ZFHX4: variants seen among roughly 807,000 people sequenced by gnomAD.
ZFHX4 encodes the protein zinc finger homeobox protein 4.
A neutral mutation model predicts 267.6 loss-of-function variants in ZFHX4; 56 were observed. The observed-to-expected ratio is 0.21, with a 90% CI of 0.17 to 0.26. The LOEUF is 0.26. Among genes scored for constraint, ZFHX4 ranks in the 10% least tolerant of loss-of-function variants. ZFHX4 has a pLI of 1.00. For missense variants in ZFHX4, 4,332 were observed against 4,420.0 expected, an observed-to-expected ratio of 0.98 and a Z score of 0.56; for synonymous variants, 1,778 against 1,665.6, an observed-to-expected ratio of 1.07 and a Z score of -1.64.
chr8:76,830,231 T>C (rs1243895198), intron 4 of ZFHX4, among the ~76,000 whole-genome samples: 1 of 152,206 alleles, frequency 6.6e-6, no homozygotes, highest in Non-Finnish European at 1.5e-5. Context: ...ACTCCCACAT[T>C]GTGTTAATAA....
chr8:76,801,158 T>C (rs1811108052), intron 4 of ZFHX4, among the ~76,000 whole-genome samples: 1 of 152,118 alleles, frequency 6.6e-6, no homozygotes. Context: ...TTCTAACTTT[T>C]CTTTAATTAA....
rs972290025 is a variant in ZFHX4, at chr8:76,849,109, A to G, written c.3626A>G (p.Asn1209Ser). 8 of 1,560,386 alleles carry G rather than the reference A, an allele frequency of 5.1e-6. No homozygotes were observed. The highest frequency in any genetic ancestry group is 2.4e-5 in the East Asian group (1 of 41,664). Residue 1209 changes from asparagine (N) to serine (S), a missense_variant, in exon 7 of 11, where the codon AAT becomes AGT. Transcript: ENST00000651372. ...AAAAGGTCAAAACCTACAGAGGACAATAAATTCTGTCATGAACAGGTAAAT... is the reference window on the plus strand; with the variant it reads ...AAAAGGTCAAAACCTACAGAGGACAGTAAATTCTGTCATGAACAGGTAAAT... ...ATKRSKPTED[N>S]KFCHEQFYQC...
intron 5 of ZFHX4, among the ~76,000 whole-genome samples, chr8:76,837,585 G>A (rs938866498): frequency 1.3e-5 from 2 of 151,498 alleles, no homozygotes; most frequent in Non-Finnish European, 2.9e-5. Context: ...GGGGTAGCAT[G>A]TGGACTCTTC....
intron 4 of ZFHX4, among the ~76,000 whole-genome samples, chr8:76,825,990 A>C (rs1811775474): frequency 6.6e-6 from 1 of 152,090 alleles, no homozygotes; most frequent in Non-Finnish European, 1.5e-5. Context: ...TTTTTGCATC[A>C]CTCTGAAGAA....
rs1290135493 is a variant in ZFHX4, at chr8:76,854,219, C to T, written c.7298C>T (p.Ser2433Leu). 5 of 1,565,802 alleles carry T rather than the reference C, an allele frequency of 3.2e-6. No individual in the cohort carries two copies. The highest frequency in any genetic ancestry group is 1.2e-5 in the South Asian group (1 of 86,190). The change falls in exon 10 of 11, where the codon TCG becomes TTG. Residue 2433 changes from serine (S) to leucine (L), a missense_variant. Ser to Leu is a moderately radical substitution (Grantham distance 145, BLOSUM62 -2). Around this residue, in one of 7 missense-constraint regions of ZFHX4, gnomAD observed 1,648 missense variants for 1,625.0 expected, o/e 1.01. Transcript: ENST00000651372. ...QGTKPALPLA[S>L]TSSDPPQAST... ...ACCAAACCAGCCCTGCCATTAGCAT[C>T]GACTTCCTCGGACCCACCACAGGCA...
At chr8:76,789,836 T>C (rs1810786983) in intron 4 of ZFHX4, among the ~76,000 whole-genome samples, 1 of 152,152 alleles carries the variant, frequency 6.6e-6, no homozygotes, top group Non-Finnish European at 1.5e-5. Flanking sequence ...TAAATGTGCA[T>C]ATGCATTTAG....
intron 4 of ZFHX4, among the ~76,000 whole-genome samples, chr8:76,826,775 G>A (rs1301841304): frequency 4.6e-5 from 7 of 152,198 alleles, no homozygotes; most frequent in Non-Finnish European, 1.0e-4. Flanking sequence ...CTAGAGATCT[G>A]CTGCACAACA....
rs1807527606 is a variant in ZFHX4 at position 76,681,499 on chromosome 8, T to C, written c.-168T>C. The C allele has an allele frequency of 5.0e-6, 2 of 398,512 alleles. No individual in the cohort carries two copies. The highest frequency in any genetic ancestry group is 4.4e-6 in the Non-Finnish European group (1 of 226,012). 24.7% of individuals were successfully genotyped at this position (398,512 alleles called of 1,614,324 possible). On this transcript the variant is annotated 5_prime_UTR_variant, in exon 1 of 11. Coordinates refer to ENST00000651372, the MANE Select transcript of ZFHX4 (RefSeq NM_024721.5). Reference sequence around the variant, plus strand: ...CCCAATAAAGTTCGAGGATTATTTTTTATTTTTTTTGTTTTTTTAATGAAC... The same window carrying C: ...CCCAATAAAGTTCGAGGATTATTTTCTATTTTTTTTGTTTTTTTAATGAAC...
intron 3 of ZFHX4, among the ~76,000 whole-genome samples, chr8:76,751,828 C>T (rs895064066): frequency 6.6e-6 from 1 of 152,102 alleles, no homozygotes; most frequent in Non-Finnish European, 1.5e-5. Context: ...CGATGATGAG[C>T]ATCATAAGTA....
At chr8:76,846,992 G>A (rs1812381074) in intron 6 of ZFHX4, among the ~76,000 whole-genome samples, 1 of 152,100 alleles carries the variant, frequency 6.6e-6, no homozygotes, top group Non-Finnish European at 1.5e-5. Flanking sequence ...ATATGACAGA[G>A]TATTATTCTC....
At chr8:76,838,909 G>T (rs1391524389) in intron 5 of ZFHX4, among the ~76,000 whole-genome samples, 1 of 152,060 alleles carries the variant, frequency 6.6e-6, no homozygotes, top group African/African-American at 2.4e-5. Flanking sequence ...ATAAAAATTA[G>T]CTGGATATGG....
At chr8:76,798,921 A>G (rs1268900768) in intron 4 of ZFHX4, among the ~76,000 whole-genome samples, 1 of 151,698 alleles carries the variant, frequency 6.6e-6, no homozygotes, top group African/African-American at 2.4e-5. Context: ...TGCATCATCC[A>G]CTCCTTTCTA....
chr8:76,726,733 G>A (rs1472918154), intron 3 of ZFHX4, among the ~76,000 whole-genome samples: 2 of 152,090 alleles, frequency 1.3e-5, no homozygotes, highest in Non-Finnish European at 1.5e-5. Flanking sequence ...CATCCCGTTT[G>A]TAAAATATCT....
chr8:76,777,352 A>T (rs968321853), intron 3 of ZFHX4, among the ~76,000 whole-genome samples: 2 of 152,172 alleles, frequency 1.3e-5, no homozygotes, highest in Non-Finnish European at 2.9e-5. Context: ...GAGTCAGCAG[A>T]GCTTGCGAAA....
chr8:76,767,670 G>T (rs1810086731), intron 3 of ZFHX4, among the ~76,000 whole-genome samples: 1 of 152,156 alleles, frequency 6.6e-6, no homozygotes, highest in African/African-American at 2.4e-5. Context: ...AGCCTTCAAA[G>T]AATTAAGTAA....
intron 3 of ZFHX4, among the ~76,000 whole-genome samples, chr8:76,758,223 G>A (rs1370678766): frequency 6.6e-6 from 1 of 152,050 alleles, no homozygotes; most frequent in African/African-American, 2.4e-5. Context: ...GAGCATAGAG[G>A]ACAGAGAATG....
intron 3 of ZFHX4, among the ~76,000 whole-genome samples, chr8:76,726,438 C>T (rs1808855668): frequency 6.6e-6 from 1 of 152,012 alleles, no homozygotes; most frequent in South Asian, 2.1e-4. Flanking sequence ...CATCAAGAGG[C>T]CCATAACTTG....
At chr8:76,795,945 T>G (rs1810970479) in intron 4 of ZFHX4, among the ~76,000 whole-genome samples, 1 of 152,168 alleles carries the variant, frequency 6.6e-6, no homozygotes, top group Non-Finnish European at 1.5e-5. Context: ...AAACCAAGTT[T>G]CATTACAAAT....
At chr8:76,856,926 G>T (rs1342913499) in intron 10 of ZFHX4, among the ~76,000 whole-genome samples, 1 of 152,162 alleles carries the variant, frequency 6.6e-6, no homozygotes, top group East Asian at 1.9e-4. Context: ...TTTGTAACAT[G>T]CATTGCTACT....
Sources: allele counts gnomAD v4.1 joint callset (sites outside exome capture counted in the v4.1 genomes callset), GRCh38; gene constraint gnomAD v4.1.1; regional missense constraint gnomAD v4.1.1; transcripts MANE v1.5; gene names NCBI Gene and HGNC (gene_info 2026-07-23, HGNC 2026-07-21).